UNC45B: variants seen among roughly 807,000 people sequenced by gnomAD.
UNC45B encodes the protein protein unc-45 homolog B.
Under a neutral mutation model 98.7 loss-of-function variants are expected in UNC45B, and 78 were observed. The ratio of observed to expected loss-of-function variants is 0.79; its 90% CI spans 0.66 to 0.95. The LOEUF (loss-of-function observed/expected upper bound fraction) is 0.95. Among genes scored for constraint, UNC45B ranks in the 40% least tolerant of loss-of-function variants. The pLI, the probability that UNC45B is intolerant of heterozygous loss-of-function variation, is 0.00. For synonymous variants in UNC45B, 462 were observed against 480.4 expected (o/e 0.96, Z 0.50); for missense variants, 1,225 against 1,184.9 (o/e 1.03, Z -0.50).
At chr17:35,149,133 C>A in intron 3 of UNC45B, 124 bp downstream of exon 3, 1 of 1,157,440 alleles carries the variant, frequency 8.6e-7, no homozygotes, top group Non-Finnish European at 1.3e-6. Context: ...AGGGAGAGAA[C>A]AAGCTGGAGA....
chr17:35,151,327 C>T (rs2092017975), intron 4 of UNC45B: 1 of 162,642 alleles, frequency 6.1e-6, no homozygotes, highest in Admixed American at 6.5e-5. Context: ...CGCCACATTT[C>T]CCGCGCCCCA....
intron 2 of UNC45B, 51 bp downstream of exon 2, chr17:35,148,482 G>A: frequency 6.3e-7 from 1 of 1,574,956 alleles, no homozygotes. Context: ...GGGGCTTTGG[G>A]GCTGAGTGGC....
Position 35,186,743 on chromosome 17 carries a change from T to A in UNC45B, c.*184T>A, listed in dbSNP as rs1429392516. ...CTCCTTTGTCCTGACAGAGTTTGGA[T>A]GTTTCACTCTCTCTCTTGCTTCCTG... is the stretch of plus-strand genomic sequence containing the variant. On this transcript the variant is annotated 3_prime_UTR_variant, in exon 20 of 20. Transcript: ENST00000394570. 3.3e-6 allele frequency: 2 copies of A among 609,134 alleles called. No individual in the cohort carries two copies. Among genetic ancestry groups the A allele is most frequent in the Non-Finnish European group, 5.4e-6 (2 of 371,236 alleles). The allele number at this position is 609,134 out of a possible 1,614,324, so 37.7% of individuals were successfully genotyped here.
intron 3 of UNC45B, 122 bp from the exon 4 acceptor site, chr17:35,149,926 G>A: frequency 9.5e-7 from 1 of 1,057,702 alleles, no homozygotes; most frequent in African/African-American, 1.6e-5. Flanking sequence ...CCACATGGAT[G>A]GATAATCTCC....
intron 8 of UNC45B, among the ~76,000 whole-genome samples, chr17:35,161,343 G>A (rs931786062): frequency 6.6e-6 from 1 of 152,218 alleles, no homozygotes; most frequent in Non-Finnish European, 1.5e-5. Flanking sequence ...GGCACGGTAA[G>A]GGAGCTGTCA....
chr17:35,173,686 T>A (rs2092205601), intron 13 of UNC45B, among the ~76,000 whole-genome samples: 1 of 152,122 alleles, frequency 6.6e-6, no homozygotes, highest in Non-Finnish European at 1.5e-5. Context: ...ATCCTGGTGA[T>A]TATATTGGGC....
Position 35,175,959 on chromosome 17 carries a change from G to A in UNC45B, c.1959-9G>A, listed in dbSNP as rs1200851257. On this transcript the variant is annotated splice_polypyrimidine_tract_variant and intron_variant, in intron 14 of 19. Transcript: ENST00000394570. ...TATTAACTGTTCTCCTTTCTTCTCG[G>A]TCCCACAGGGTATTCCTGGCACTGT... is the stretch of plus-strand genomic sequence containing the variant. 1.2e-6 allele frequency: 2 copies of A among 1,613,656 alleles called. No individual in the cohort carries two copies. Among genetic ancestry groups the A allele is most frequent in the East Asian group, 2.2e-5 (1 of 44,864 alleles).
intron 18 of UNC45B, among the ~76,000 whole-genome samples, chr17:35,182,219 A>T (rs924670381): frequency 1.3e-5 from 2 of 151,868 alleles, no homozygotes; most frequent in African/African-American, 4.8e-5. Flanking sequence ...CCTCCCGAGT[A>T]ACTGGGACTA....
rs112670891 is a variant in UNC45B at position 35,180,021 on chromosome 17, C to T, written c.2256-538C>T. Among the ~76,000 whole-genome samples, 49 of 152,164 alleles carry T rather than the reference C, an allele frequency of 3.2e-4. 1 individual carries two copies. Among genetic ancestry groups the T allele is most frequent in the African/African-American group, 1.1e-3 (47 of 41,522 alleles). On this transcript the variant is annotated intron_variant, in intron 17 of 19. Transcript: ENST00000394570. Reference sequence around the variant, plus strand: ...TGGTTGCCAGTAGCAGAAAACTTAACTATAATAGGCCTAAGCATAAAGGAA... The same window carrying T: ...TGGTTGCCAGTAGCAGAAAACTTAATTATAATAGGCCTAAGCATAAAGGAA...
chr17:35,174,630 G>A (rs2092214124), intron 14 of UNC45B, among the ~76,000 whole-genome samples: 1 of 152,020 alleles, frequency 6.6e-6, no homozygotes, highest in South Asian at 2.1e-4. Context: ...GACTAGCTTG[G>A]GAAACATATT....
At chr17:35,149,231 G>A (rs900050058) in intron 3 of UNC45B, among the ~76,000 whole-genome samples, 1 of 152,160 alleles carries the variant, frequency 6.6e-6, no homozygotes, top group African/African-American at 2.4e-5. Flanking sequence ...GGGTCAGAGA[G>A]CTGCCTTCAA....
chr17:35,175,091 A>G (rs955292698), intron 14 of UNC45B, among the ~76,000 whole-genome samples: 3 of 132,676 alleles, frequency 2.3e-5, no homozygotes, highest in Admixed American at 7.5e-5. Context: ...AAGAAAGAGA[A>G]AGAAAGAAAA....
At chr17:35,156,797 T>C (rs1311792596) in intron 7 of UNC45B, among the ~76,000 whole-genome samples, 4 of 152,164 alleles carry the variant, frequency 2.6e-5, no homozygotes, top group African/African-American at 9.7e-5. Context: ...CATGGATCTT[T>C]CCTCTCTTTT....
chr17:35,183,289 G>A (rs773423203), intron 18 of UNC45B, 138 bp from the exon 19 acceptor site: 2 of 903,246 alleles, frequency 2.2e-6, no homozygotes, highest in Non-Finnish European at 3.0e-6. Context: ...AGGCTTCTTG[G>A]GGGAGGTAGC....
At chr17:35,153,062 G>A in intron 5 of UNC45B, 80 bp downstream of exon 5, 1 of 1,262,262 alleles carries the variant, frequency 7.9e-7, no homozygotes, top group Non-Finnish European at 1.1e-6. Context: ...GGGGAAGGGG[G>A]ACCGGAGGCC....
At chr17:35,155,068 TG>T (rs780555381) in intron 6 of UNC45B, among the ~76,000 whole-genome samples, 7 of 152,274 alleles carry the variant, frequency 4.6e-5, no homozygotes, top group Non-Finnish European at 7.3e-5. Flanking sequence ...CGGCCCCATG[TG>T]GCCGGTGGTC....
chr17:35,184,658 T>C (rs763902893), intron 19 of UNC45B, among the ~76,000 whole-genome samples: 1 of 152,210 alleles, frequency 6.6e-6, no homozygotes, highest in Non-Finnish European at 1.5e-5. Context: ...ATTTTACAAA[T>C]GAGGAAACTG....
chr17:35,179,681 C>T (rs543982701), intron 17 of UNC45B, among the ~76,000 whole-genome samples: 17 of 151,570 alleles, frequency 1.1e-4, no homozygotes, highest in Middle Eastern at 3.4e-3. Flanking sequence ...TGTTCTCACT[C>T]GTAGGTGGGA....
intron 13 of UNC45B, among the ~76,000 whole-genome samples, chr17:35,172,716 G>A (rs926247531): frequency 3.3e-5 from 5 of 152,130 alleles, no homozygotes; most frequent in African/African-American, 1.2e-4. Flanking sequence ...TTTAACCCTG[G>A]GTTGACTTTG....
Sources: gnomAD v4.1 joint callset for allele counts (sites outside exome capture counted in the v4.1 genomes callset) on GRCh38, gnomAD v4.1.1 for gene constraint, MANE v1.5 for transcripts, NCBI Gene and HGNC (gene_info 2026-07-23, HGNC 2026-07-21) for gene names.